SAMHD1: variants seen among roughly 807,000 people sequenced by gnomAD.
SAMHD1 encodes SAM and HD domain containing deoxynucleoside triphosphate triphosphohydrolase 1.
A neutral mutation model predicts 79.6 loss-of-function variants in SAMHD1; 54 were observed. The ratio of observed to expected loss-of-function variants is 0.68; its 90% CI spans 0.55 to 0.85. SAMHD1 has a LOEUF of 0.85. Ranked by LOEUF, SAMHD1 falls within the 40% of genes least tolerant of loss-of-function variation. The pLI is 0.00. For synonymous variants in SAMHD1, 260 were observed against 264.1 expected, an observed-to-expected ratio of 0.98 and a Z score of 0.15; for missense variants, 663 against 782.7, an observed-to-expected ratio of 0.85 and a Z score of 1.82.
intron 6 of SAMHD1, among the ~76,000 whole-genome samples, chr20:36,924,672 A>T (rs374874167): frequency 8.5e-5 from 13 of 152,292 alleles, no homozygotes; most frequent in African/African-American, 3.1e-4. Flanking sequence ...TTCTATTTCA[A>T]TGCCTCTCTG....
chr20:36,898,313 C>A, intron 14 of SAMHD1, 127 bp downstream of exon 14: 1 of 762,174 alleles, frequency 1.3e-6, no homozygotes. Flanking sequence ...CAGGTATGAG[C>A]TACTGTGCCA....
chr20:36,908,038 C>T (rs1048647855), intron 11 of SAMHD1, among the ~76,000 whole-genome samples: 7 of 151,024 alleles, frequency 4.6e-5, no homozygotes, highest in Admixed American at 1.3e-4. Flanking sequence ...GCACGCCCAG[C>T]TAATACTTTG....
At chr20:36,912,876 ACT>A (rs1474848234) in intron 9 of SAMHD1, among the ~76,000 whole-genome samples, 1 of 67,284 alleles carries the variant, frequency 1.5e-5, no homozygotes, top group African/African-American at 7.0e-5. Flanking sequence ...TACCCAGCTA[ACT>A]TTCATTCTTT....
intron 10 of SAMHD1, chr20:36,911,772 T>C (rs1395767644): frequency 1.6e-5 from 3 of 182,492 alleles, no homozygotes; most frequent in African/African-American, 4.8e-5. Context: ...AATCTGCTCA[T>C]GACAAAGGAT....
At chr20:36,943,907 G>A (rs1177234604) in intron 2 of SAMHD1, among the ~76,000 whole-genome samples, 1 of 151,590 alleles carries the variant, frequency 6.6e-6, no homozygotes, top group Non-Finnish European at 1.5e-5. Context: ...GTGAAACCCT[G>A]TCTCTACTAA....
At chr20:36,893,298 A>G in intron 15 of SAMHD1, 1 of 581,650 alleles carries the variant, frequency 1.7e-6, no homozygotes, top group Admixed American at 2.9e-5. Flanking sequence ...GCCTCTGCAG[A>G]GATGACTGGG....
At position 36,890,414 on chromosome 20, in the gene SAMHD1, C is replaced by CTTTCTTTCTTTCTTTCTTTCTTTCTTTCT. The variant is rs1555830169; in HGVS notation, c.*2517_*2518insAGAAAGAAAGAAAGAAAGAAAGAAAGAAA. 4.4e-4 allele frequency: 66 copies of CTTTCTTTCTTTCTTTCTTTCTTTCTTTCT among 150,098 alleles called. No homozygotes were observed. Among genetic ancestry groups the CTTTCTTTCTTTCTTTCTTTCTTTCTTTCT allele is most frequent in the African/African-American group, 1.3e-3 (53 of 40,808 alleles). The allele number at this position is 150,098 out of a possible 1,614,324, so 9.3% of individuals were successfully genotyped here. A position where few individuals can be genotyped will look rare whatever the true frequency, so the allele number is the denominator to read the frequency against. On this transcript the variant is annotated 3_prime_UTR_variant, in exon 16 of 16. Transcript: ENST00000646673. ...TTTCTTTCTCTTTCTTTCTTTCTTT[C>CTTTCTTTCTTTCTTTCTTTCTTTCTTTCT]TTTCTTTTCTTTCTCTCTTTCCTTC...
At chr20:36,909,953 G>A (rs1008183485) in intron 11 of SAMHD1, among the ~76,000 whole-genome samples, 3 of 151,870 alleles carry the variant, frequency 2.0e-5, no homozygotes, top group Non-Finnish European at 2.9e-5. Context: ...GTGGCCGGGC[G>A]GTGTCTCACG....
intron 3 of SAMHD1, among the ~76,000 whole-genome samples, chr20:36,936,313 T>C (rs2063603338): frequency 6.6e-6 from 1 of 152,094 alleles, no homozygotes; most frequent in African/African-American, 2.4e-5. Flanking sequence ...GTGTTCTTTT[T>C]GTTTTGTTTT....
chr20:36,911,132 A>G (rs2063436809), intron 11 of SAMHD1, 86 bp downstream of exon 11: 2 of 763,402 alleles, frequency 2.6e-6, no homozygotes, highest in Non-Finnish European at 2.2e-6. Context: ...TGAAAAATAA[A>G]AGAAAGAAAA....
chr20:36,912,367 G>T, intron 10 of SAMHD1, 94 bp downstream of exon 10: 1 of 771,500 alleles, frequency 1.3e-6, no homozygotes, highest in Non-Finnish European at 2.3e-6. Context: ...ATATTCACTT[G>T]AACTCATCTA....
intron 6 of SAMHD1, among the ~76,000 whole-genome samples, chr20:36,924,496 TAGTC>T (rs1325466643): frequency 5.9e-5 from 9 of 152,246 alleles, no homozygotes; most frequent in Non-Finnish European, 1.0e-4. Flanking sequence ...CAAAAGTTGT[TAGTC>T]AGGAATGTTC....
chr20:36,934,978 A>T (rs1237890390), intron 4 of SAMHD1, 51 bp downstream of exon 4: 3 of 1,571,166 alleles, frequency 1.9e-6, no homozygotes, highest in Middle Eastern at 1.7e-4. Flanking sequence ...ATTTCATGAG[A>T]CAGAGAAAAT....
At position 36,916,725 on chromosome 20, in the gene SAMHD1, A is replaced by G; in HGVS notation, c.1059T>C (p.Asp353=). Residue 353 remains aspartate, a synonymous_variant, in exon 9 of 16, where the codon GAT becomes GAC. Transcript: ENST00000646673. ...VDNELRICAR[D]KEVGNLYDMF... ...TGCCTCCTCTGGCACAGCTTACCTT[A>G]TCTCTAGCACAAATACGCAACTCAT... The G allele has an allele frequency of 6.2e-7, 1 of 1,608,522 alleles. No individual in the cohort carries two copies. The highest frequency in any genetic ancestry group is 2.2e-5 in the East Asian group (1 of 44,856).
At chr20:36,940,791 T>C (rs2063638134) in intron 3 of SAMHD1, 2 of 541,484 alleles carry the variant, frequency 3.7e-6, no homozygotes, top group Non-Finnish European at 6.6e-6. Flanking sequence ...AGGCAAAATA[T>C]TAATATTTGA....
At chr20:36,932,285 A>C (rs1278556195) in intron 4 of SAMHD1, among the ~76,000 whole-genome samples, 1 of 128,758 alleles carries the variant, frequency 7.8e-6, no homozygotes, top group Non-Finnish European at 1.6e-5. Flanking sequence ...GAGGAGGCGG[A>C]GGTTGTGGTG....
chr20:36,912,889 G>GTTT (rs71186089), intron 9 of SAMHD1, among the ~76,000 whole-genome samples: 9,009 of 41,044 alleles, frequency 0.22, 3,495 homozygotes, highest in East Asian at 0.35. Flanking sequence ...TTCATTCTTT[G>GTTT]TTTTTTTTTT....
intron 15 of SAMHD1, 58 bp from the exon 16 acceptor site, chr20:36,893,124 T>C (rs1601108708): frequency 2.5e-6 from 4 of 1,600,068 alleles, no homozygotes; most frequent in Non-Finnish European, 3.4e-6. Context: ...CATCATCTTA[T>C]TTCTGAGTGA....
intron 4 of SAMHD1, 63 bp downstream of exon 4, chr20:36,934,966 C>A (rs772550246): frequency 7.8e-6 from 12 of 1,548,142 alleles, no homozygotes; most frequent in Non-Finnish European, 1.1e-5. Context: ...CCTAAGATAA[C>A]TATTTCATGA....
Sources: gnomAD v4.1 joint callset for allele counts (sites outside exome capture counted in the v4.1 genomes callset) on GRCh38, gnomAD v4.1.1 for gene constraint, MANE v1.5 for transcripts, NCBI Gene and HGNC (gene_info 2026-07-23, HGNC 2026-07-21) for gene names.